Variants in UBR1 observed in about 807,000 individuals in gnomAD.
UBR1 encodes ubiquitin protein ligase E3 component n-recognin 1.
In UBR1, 102 loss-of-function variants were observed where a neutral mutation model predicts 242.1. That is an observed-to-expected ratio of 0.42 (90% CI 0.36 to 0.50). The LOEUF is 0.50. UBR1 is among the 20% of genes least tolerant of loss of function. UBR1 has a pLI of 0.01. For missense variants in UBR1, 1,772 were observed against 2,101.8 expected (o/e 0.84, Z 3.07); for synonymous variants, 675 against 684.8 (o/e 0.99, Z 0.22).
At position 42,984,961 on chromosome 15, in the gene UBR1, AT is replaced by A. The variant is rs746078860; in HGVS notation, c.3998-20del. On this transcript the variant is annotated intron_variant, in intron 35 of 46. Transcript: ENST00000290650. The stretch of plus-strand genomic sequence containing the variant: ...AGATTTTCTCAAAGAATAAAAAAAA[AT>A]AAAAATAATAAATCCTGAATAGTGC... The A allele has an allele frequency of 3.9e-6, 6 of 1,541,834 alleles. No individual in the cohort carries two copies. The highest frequency in any genetic ancestry group is 1.7e-5 in the Admixed American group (1 of 59,636).
chr15:43,060,907 G>T (rs1051198272), intron 6 of UBR1, among the ~76,000 whole-genome samples: 11 of 147,532 alleles, frequency 7.5e-5, no homozygotes, highest in African/African-American at 2.8e-4. Flanking sequence ...AATATATTTG[G>T]ACTACTAATT....
chr15:42,967,688 A>G (rs2032131387), intron 40 of UBR1, among the ~76,000 whole-genome samples: 1 of 151,964 alleles, frequency 6.6e-6, no homozygotes, highest in Admixed American at 6.6e-5. Flanking sequence ...CAAGGTATTA[A>G]TAATACGGGA....
At position 43,059,191 on chromosome 15, in the gene UBR1, A is replaced by T. The variant is rs2033653093; in HGVS notation, c.987T>A (p.Ser329Arg). The stretch of plus-strand genomic sequence containing the variant: ...CTTGGCAAAAGATCTGCCTAAAGTC[A>T]CCTACAAACAAAAGAGGTCACACAG... ...SWMNKIMSYS[S>R]DFRQIFCQAC... Residue 329 changes from serine (S) to arginine (R), a missense_variant and splice_region_variant, in exon 9 of 47, where the codon AGT (serine) becomes AGA (arginine). This residue lies in a region of UBR1 where 734 missense variants were observed against 893.3 expected (regional missense o/e 0.82). Coordinates refer to ENST00000290650, the MANE Select transcript of UBR1 (RefSeq NM_174916.3). 3 of 1,613,258 alleles carry T rather than the reference A, an allele frequency of 1.9e-6. No homozygotes were observed. Among genetic ancestry groups the T allele is most frequent in the Non-Finnish European group, 2.5e-6 (3 of 1,179,414 alleles).
chr15:43,095,999 T>C (rs1171637047), intron 1 of UBR1, among the ~76,000 whole-genome samples: 1 of 152,228 alleles, frequency 6.6e-6, no homozygotes, highest in Admixed American at 6.5e-5. Context: ...TGCAATAGTA[T>C]GAAGTCTTTA....
At position 43,076,796 on chromosome 15, in the gene UBR1, G is replaced by A. The variant is rs1267023451; in HGVS notation, c.418-1707C>T. Among the ~76,000 whole-genome samples, 104 of 135,566 alleles carry A rather than the reference G, an allele frequency of 7.7e-4. No individual in the cohort carries two copies. In the Middle Eastern group the frequency reaches 0.012, roughly 15 times the overall value. 88.9% of individuals were successfully genotyped at this position (135,566 alleles called of 152,430 possible). The stretch of plus-strand genomic sequence containing the variant: ...GTGGGAGGGGGTCAGCCCCCCGCCC[G>A]GCCAGCCGCCCCGTCCGGGAGGTGA... On this transcript the variant is annotated intron_variant, in intron 3 of 46. Transcript: ENST00000290650.
chr15:43,043,140 A>G, intron 15 of UBR1, 75 bp downstream of exon 15: 1 of 1,549,606 alleles, frequency 6.5e-7, no homozygotes, highest in Admixed American at 1.7e-5. Flanking sequence ...GAACAAAAAT[A>G]GAAATGATTC....
chr15:42,995,584 C>T (rs917852557), intron 33 of UBR1, among the ~76,000 whole-genome samples: 1 of 151,908 alleles, frequency 6.6e-6, no homozygotes, highest in Admixed American at 6.6e-5. Flanking sequence ...AGGAGAATCG[C>T]GTGAACCCGG....
chr15:42,950,383 G>A lies in UBR1; in HGVS notation c.5007-20C>T. 1 of 1,607,468 alleles carries A rather than the reference G, an allele frequency of 6.2e-7. No homozygotes were observed. Reference sequence around the variant, plus strand: ...CTGATTCTGAAAGAGAAAATCAATAGGAAATATGGTTAAGTGTATGTGTGC... The same window carrying A: ...CTGATTCTGAAAGAGAAAATCAATAAGAAATATGGTTAAGTGTATGTGTGC... On this transcript the variant is annotated intron_variant, in intron 45 of 46. Transcript: ENST00000290650.
At chr15:43,035,189 C>T (rs1012651235) in intron 19 of UBR1, among the ~76,000 whole-genome samples, 36 of 152,122 alleles carry the variant, frequency 2.4e-4, no homozygotes, top group African/African-American at 8.4e-4. Flanking sequence ...CAAAACAGCA[C>T]ATTCACAATG....
chr15:43,061,105 C>T (rs1258429399), intron 6 of UBR1, among the ~76,000 whole-genome samples: 3 of 152,162 alleles, frequency 2.0e-5, no homozygotes, highest in Non-Finnish European at 4.4e-5. Context: ...AGGAAAACCA[C>T]CTCACATCCA....
At position 43,007,238 on chromosome 15, in the gene UBR1, G is replaced by A. The variant is rs764919801; in HGVS notation, c.3256C>T (p.Arg1086Trp). Reference sequence around the variant, plus strand: ...TCCTTTTCAGTAACAGATGGACCCCGTTTAGGACCCAAAGCAATTCTAGAG... The same window carrying A: ...TCCTTTTCAGTAACAGATGGACCCCATTTAGGACCCAAAGCAATTCTAGAG... ...DYSRIALGPK[R>W]GPSVTEKEVL... The change falls in exon 30 of 47, where the codon CGG (arginine) becomes TGG (tryptophan). Residue 1086 changes from arginine (R) to tryptophan (W), a missense_variant. Around this residue, in one of 3 missense-constraint regions of UBR1, gnomAD observed 965 missense variants for 1,079.7 expected, o/e 0.89. Coordinates refer to ENST00000290650, the MANE Select transcript of UBR1 (RefSeq NM_174916.3). The A allele has an allele frequency of 1.1e-5, 17 of 1,613,954 alleles. No homozygotes were observed. The highest frequency in any genetic ancestry group is 2.2e-5 in the East Asian group (1 of 44,884).
Position 43,007,100 on chromosome 15 carries a change from T to C in UBR1, c.3394A>G (p.Lys1132Glu), listed in dbSNP as rs778393287. The change falls in exon 30 of 47, where the codon AAA becomes GAA. Residue 1132 changes from lysine to glutamate, a missense_variant. By Grantham distance (56) the Lys-to-Glu change is moderately conservative. Coordinates refer to ENST00000290650, the MANE Select transcript of UBR1 (RefSeq NM_174916.3). ...ATACCTCCTGAGAGTTCTATGGGTT[T>C]TCCCCTGTGCTGGGTTAAGGCAGTA... ...KSTALTQHRG[K>E]PIELSGEALD... 1.9e-6 allele frequency: 3 copies of C among 1,614,098 alleles called. No individual in the cohort carries two copies. In the African/African-American group the frequency reaches 4.0e-5, roughly 22 times the overall value.
Position 43,067,895 on chromosome 15 carries a change from A to C in UBR1, c.798+3T>G, listed in dbSNP as rs199742972. On this transcript the variant is annotated splice_donor_region_variant and intron_variant, in intron 6 of 46. Coordinates refer to ENST00000290650, the MANE Select transcript of UBR1 (RefSeq NM_174916.3). ...AAACGCAATTCAAAAGGAGACCACA[A>C]ACCTCTTTGTCAATGGCAGTGGTAT... 1.9e-6 allele frequency: 3 copies of C among 1,613,962 alleles called. No homozygotes were observed. In the African/African-American group the frequency reaches 4.0e-5, roughly 22 times the overall value.
chr15:43,081,514 T>C (rs187355961), intron 3 of UBR1, among the ~76,000 whole-genome samples: 2 of 151,848 alleles, frequency 1.3e-5, no homozygotes, highest in Non-Finnish European at 2.9e-5. Context: ...ACTATTCTAA[T>C]AGGTATATAG....
At position 42,990,081 on chromosome 15, in the gene UBR1, C is replaced by T. The variant is rs201899517; in HGVS notation, c.3797G>A (p.Gly1266Glu). ...PIPIFFNQGMGDSTLEFHSIL... is the reference protein window; with the variant it reads ...PIPIFFNQGMEDSTLEFHSIL... ...GGAATGGAACTCCAAAGTAGAATCT[C>T]CCATTCCTTGATTAAAGAAAATAGG... Residue 1266 changes from glycine to glutamate, a missense_variant, in exon 34 of 47, where the codon GGA becomes GAA. By Grantham distance (98) the Gly-to-Glu change is moderately conservative. This residue lies in a region of UBR1 where 965 missense variants were observed against 1,079.7 expected (regional missense o/e 0.89). Coordinates refer to ENST00000290650, the MANE Select transcript of UBR1 (RefSeq NM_174916.3). 16 of 1,607,430 alleles carry T rather than the reference C, an allele frequency of 1.0e-5. No homozygotes were observed. In the East Asian group the frequency reaches 3.3e-4, roughly 34 times the overall value.
Position 42,998,285 on chromosome 15 carries a change from A to T in UBR1, c.3660-20T>A. 1 of 1,598,206 alleles carries T rather than the reference A, an allele frequency of 6.3e-7. No individual in the cohort carries two copies. Among genetic ancestry groups the T allele is most frequent in the Non-Finnish European group, 8.6e-7 (1 of 1,166,018 alleles). Reference sequence around the variant, plus strand: ...TTCTCACTGAAAAATGATATTTAAAAATTATTACAACCATGGGTACAAAGT... The same window carrying T: ...TTCTCACTGAAAAATGATATTTAAATATTATTACAACCATGGGTACAAAGT... On this transcript the variant is annotated intron_variant, in intron 32 of 46. Coordinates refer to ENST00000290650, the MANE Select transcript of UBR1 (RefSeq NM_174916.3).
At chr15:43,079,884 G>A (rs181485200) in intron 3 of UBR1, among the ~76,000 whole-genome samples, 3 of 152,324 alleles carry the variant, frequency 2.0e-5, no homozygotes, top group Admixed American at 2.0e-4. Context: ...AGACTTCTCA[G>A]TAACAACATA....
At chr15:43,040,917 GGC>G (rs1328151853) in intron 15 of UBR1, among the ~76,000 whole-genome samples, 7 of 152,116 alleles carry the variant, frequency 4.6e-5, no homozygotes, top group Non-Finnish European at 1.0e-4. Flanking sequence ...CAGTTAGAAT[GGC>G]GATCATTAAA....
chr15:43,063,410 T>G (rs562470349), intron 6 of UBR1, among the ~76,000 whole-genome samples: 1 of 152,350 alleles, frequency 6.6e-6, no homozygotes, highest in Admixed American at 6.5e-5. Context: ...CCTACGATCA[T>G]GATAGCTCAC....
Sources: gnomAD v4.1 joint callset for allele counts (sites outside exome capture counted in the v4.1 genomes callset) on GRCh38, gnomAD v4.1.1 for gene constraint, gnomAD v4.1.1 regional missense constraint, MANE v1.5 for transcripts, NCBI Gene and HGNC (gene_info 2026-07-23, HGNC 2026-07-21) for gene names.